LARP4B: variants seen among roughly 807,000 people sequenced by gnomAD.
LARP4B encodes La ribonucleoprotein 4B, also known as la-related protein 4B.
A neutral mutation model predicts 89.8 loss-of-function variants in LARP4B; 12 were observed. The ratio of observed to expected loss-of-function variants is 0.13; its 90% confidence interval spans 0.09 to 0.22. The LOEUF is 0.22. Ranked by LOEUF, LARP4B falls within the 10% of genes least tolerant of loss-of-function variation. The probability of loss-of-function intolerance (pLI) is 1.00; values close to 1 mark genes in which losing one functional copy is unlikely to be tolerated. For synonymous variants in LARP4B, 367 were observed against 363.3 expected, an observed-to-expected ratio of 1.01 and a Z score of -0.12; for missense variants, 757 against 947.7, an observed-to-expected ratio of 0.80 and a Z score of 2.64.
chr10:955,940 T>C, the LARP4B span, among the ~76,000 whole-genome samples: 1 of 152,064 alleles, frequency 6.6e-6, no homozygotes, highest in African/African-American at 2.4e-5. The surrounding 1 kb of genome is among the most constrained non-coding windows in gnomAD (Gnocchi z 5.2). Context: ...GAGGCCACTG[T>C]TCCCCACTGG....
At chr10:823,556 G>A (rs1211489071) in intron 13 of LARP4B, among the ~76,000 whole-genome samples, 1 of 151,534 alleles carries the variant, frequency 6.6e-6, no homozygotes, top group Non-Finnish European at 1.5e-5. Flanking sequence ...ACGCTCGTAT[G>A]AACAAGGCAC....
At chr10:972,292 T>A in the LARP4B span, 1 of 357,090 alleles carries the variant, frequency 2.8e-6, no homozygotes, top group African/African-American at 2.1e-5. Context: ...CCTCCCAAAG[T>A]GCTGGGATTA....
intron 7 of LARP4B, among the ~76,000 whole-genome samples, chr10:838,917 C>CTAT (rs1833373068): frequency 6.6e-6 from 1 of 152,108 alleles, no homozygotes; most frequent in Non-Finnish European, 1.5e-5. Context: ...AGACAATGAA[C>CTAT]TATTATTCCA....
Position 830,994 on chromosome 10 carries a change from T to C in LARP4B, c.751-17A>G, listed in dbSNP as rs776998912. 1 of 947,762 alleles carries C rather than the reference T, an allele frequency of 1.1e-6. No individual in the cohort carries two copies. The highest frequency in any genetic ancestry group is 2.4e-5 in the Admixed American group (1 of 42,352). 58.7% of individuals were successfully genotyped at this position (947,762 alleles called of 1,614,324 possible). ...TTCTACTTCCTACAGGAAATAGAGA[T>C]GTTAGAAATTAATTCTCAACAATGT... is the stretch of plus-strand genomic sequence containing the variant. On this transcript the variant is annotated splice_polypyrimidine_tract_variant and intron_variant, in intron 8 of 17. Coordinates refer to ENST00000316157, the MANE Select transcript of LARP4B (RefSeq NM_015155.3).
chr10:819,662 T>C (rs1202991617), intron 14 of LARP4B: 1 of 152,212 alleles, frequency 6.6e-6, no homozygotes, highest in Admixed American at 6.5e-5. Context: ...GGCACAACAG[T>C]GCCCTGTGTT....
intron 1 of LARP4B, among the ~76,000 whole-genome samples, chr10:922,679 A>G (rs943934173): frequency 3.4e-5 from 3 of 87,236 alleles, no homozygotes; most frequent in African/African-American, 8.7e-5. Context: ...CGTCTGTTAA[A>G]TAAATAAATA....
At chr10:937,310 T>A in the LARP4B span, among the ~76,000 whole-genome samples, 1 of 152,226 alleles carries the variant, frequency 6.6e-6, no homozygotes, top group African/African-American at 2.4e-5. Context: ...CCCAAAATGC[T>A]GGGATTACAG....
Position 813,012 on chromosome 10 carries a change from G to T in LARP4B, c.2131C>A (p.Arg711=). The T allele has an allele frequency of 6.3e-7, 1 of 1,594,624 alleles. No homozygotes were observed. Among genetic ancestry groups the T allele is most frequent in the African/African-American group, 1.4e-5 (1 of 73,358 alleles). Residue 711 remains arginine, a synonymous_variant, in exon 18 of 18, where the codon CGG becomes AGG. Transcript: ENST00000316157. Reference sequence around the variant, plus strand: ...GGCGAGGGCCGGCCCCCCGCCGGCCGCCTCTGGTCTCTGGGGGCTCCAGGT... The same window carrying T: ...GGCGAGGGCCGGCCCCCCGCCGGCCTCCTCTGGTCTCTGGGGGCTCCAGGT... ...STPGAPRDQR[R]PAGGRPSPSA...
the LARP4B span, among the ~76,000 whole-genome samples, chr10:944,574 C>T: frequency 7.9e-5 from 12 of 152,224 alleles, no homozygotes; most frequent in Admixed American, 7.2e-4. Context: ...ACTCAGCCAG[C>T]GCTGGGGAAA....
chr10:886,004 A>G (rs951630986), intron 1 of LARP4B, among the ~76,000 whole-genome samples: 1 of 152,172 alleles, frequency 6.6e-6, no homozygotes, highest in East Asian at 1.9e-4. Context: ...TTGGAAACTC[A>G]TGTGCTGACA....
At chr10:915,547 G>A (rs972473371) in intron 1 of LARP4B, among the ~76,000 whole-genome samples, 1 of 152,148 alleles carries the variant, frequency 6.6e-6, no homozygotes. Flanking sequence ...GCTCACACCT[G>A]TAATCCCAAC....
intron 1 of LARP4B, among the ~76,000 whole-genome samples, chr10:913,163 T>C (rs1433437719): frequency 3.3e-5 from 5 of 152,204 alleles, no homozygotes; most frequent in Non-Finnish European, 5.9e-5. Flanking sequence ...AGTGAAAATT[T>C]AGGGTTGTCT....
intron 1 of LARP4B, among the ~76,000 whole-genome samples, chr10:889,056 T>C (rs1835943521): frequency 6.6e-6 from 1 of 151,948 alleles, no homozygotes; most frequent in African/African-American, 2.4e-5. Flanking sequence ...CTGCACTCCA[T>C]CCTAGGGAAC....
intron 1 of LARP4B, among the ~76,000 whole-genome samples, chr10:886,238 T>C (rs1229781361): frequency 2.6e-5 from 4 of 152,188 alleles, no homozygotes; most frequent in Non-Finnish European, 5.9e-5. Context: ...TCACTAATTA[T>C]TGGGGAAATG....
chr10:823,041 G>A (rs1041330062), intron 13 of LARP4B, among the ~76,000 whole-genome samples: 1 of 152,202 alleles, frequency 6.6e-6, no homozygotes, highest in Admixed American at 6.5e-5. Flanking sequence ...AGCAAGGCCT[G>A]GCACACCTCC....
At chr10:829,618 T>G in intron 10 of LARP4B, 24 bp from the exon 11 acceptor site, 1 of 1,591,100 alleles carries the variant, frequency 6.3e-7, no homozygotes, top group African/African-American at 1.3e-5. Flanking sequence ...TGTAAGTTTC[T>G]ATTAGAATAC....
At chr10:918,526 C>T (rs555312719) in intron 1 of LARP4B, among the ~76,000 whole-genome samples, 6 of 146,744 alleles carry the variant, frequency 4.1e-5, no homozygotes, top group East Asian at 2.1e-4. Context: ...CCCAGCTACT[C>T]GGGAGGCTGA....
At chr10:872,098 A>G (rs1835234515) in intron 3 of LARP4B, among the ~76,000 whole-genome samples, 1 of 152,214 alleles carries the variant, frequency 6.6e-6, no homozygotes, top group Non-Finnish European at 1.5e-5. Flanking sequence ...CCATGTTGTT[A>G]TTTAATTCAG....
chr10:918,940 G>A (rs1160184488), intron 1 of LARP4B, among the ~76,000 whole-genome samples: 1 of 151,978 alleles, frequency 6.6e-6, no homozygotes. Context: ...AATTAGCTGG[G>A]CGTGGTGGCG....
Sources: allele counts gnomAD v4.1 joint callset (sites outside exome capture counted in the v4.1 genomes callset), GRCh38; gene constraint gnomAD v4.1.1; non-coding constraint Gnocchi (gnomAD v3.1); transcripts MANE v1.5; gene names NCBI Gene and HGNC (gene_info 2026-07-23, HGNC 2026-07-21).